OSBPL6: variants seen among roughly 807,000 people sequenced by gnomAD.
OSBPL6 encodes the protein oxysterol binding protein like 6.
In OSBPL6, 49 loss-of-function variants were observed where a neutral mutation model predicts 125.8. The observed-to-expected ratio is 0.39, with a 90% CI of 0.31 to 0.49. The LOEUF (loss-of-function observed/expected upper bound fraction) is 0.49, where lower values mean the gene tolerates loss of function less well. OSBPL6 is among the 20% of genes least tolerant of loss of function. The pLI, the probability that OSBPL6 is intolerant of heterozygous loss-of-function variation, is 0.88. For missense variants in OSBPL6, 986 were observed against 1,135.4 expected (o/e 0.87, Z 1.89); for synonymous variants, 394 against 391.8 (o/e 1.01, Z -0.07).
rs181601158 is a variant in OSBPL6, at chr2:178,343,016, A to G, written c.987+3252A>G. On this transcript the variant is annotated intron_variant, in intron 11 of 24. Coordinates refer to ENST00000190611, the MANE Select transcript of OSBPL6 (RefSeq NM_032523.4). ...AAACAGATTATGTGTGTATGTATGT[A>G]TGACAAACATATACATATATGTATG... is the stretch of plus-strand genomic sequence containing the variant. Among the ~76,000 whole-genome samples the G allele has an allele frequency of 2.3e-3, 350 of 152,304 alleles. 1 individual carries two copies. Among genetic ancestry groups the G allele is most frequent in the Middle Eastern group, 0.01 (3 of 294 alleles).
chr2:178,204,207 G>C (rs568854943), intron 1 of OSBPL6, among the ~76,000 whole-genome samples: 1 of 151,880 alleles, frequency 6.6e-6, no homozygotes, highest in African/African-American at 2.4e-5. Context: ...CATTTTAGTA[G>C]AGAGGGTGGT....
chr2:178,255,464 C>T (rs1037758102), intron 1 of OSBPL6, among the ~76,000 whole-genome samples: 2 of 152,234 alleles, frequency 1.3e-5, no homozygotes, highest in Non-Finnish European at 2.9e-5. Context: ...GCCACTGGGT[C>T]TCTCCCATGA....
chr2:178,380,427 A>G (rs1388363101), intron 15 of OSBPL6, among the ~76,000 whole-genome samples: 1 of 134,756 alleles, frequency 7.4e-6, no homozygotes, highest in Non-Finnish European at 1.5e-5. Context: ...ACTGCACTTC[A>G]GCCTGGGCAG....
At chr2:178,344,406 C>G in intron 11 of OSBPL6, 1 of 1,583,246 alleles carries the variant, frequency 6.3e-7, no homozygotes, top group Non-Finnish European at 8.7e-7. Context: ...AGAATGAGAA[C>G]CTGTGTACAA....
chr2:178,395,005 TG>T (rs2154121061), intron 24 of OSBPL6, among the ~76,000 whole-genome samples: 1 of 152,304 alleles, frequency 6.6e-6, no homozygotes, highest in African/African-American at 2.4e-5. Context: ...ATTACTGCCC[TG>T]GGGTAGAAAT....
chr2:178,196,242 A>G (rs762494464), intron 1 of OSBPL6, among the ~76,000 whole-genome samples: 1 of 152,228 alleles, frequency 6.6e-6, no homozygotes, highest in Non-Finnish European at 1.5e-5. Context: ...TCATTGGGAA[A>G]GGCCCTGATT....
At chr2:178,312,536 A>G (rs1574838767) in intron 3 of OSBPL6, among the ~76,000 whole-genome samples, 1 of 150,636 alleles carries the variant, frequency 6.6e-6, no homozygotes, top group South Asian at 2.1e-4. Context: ...GCTCTTTGCA[A>G]CCTCCGCCTC....
chr2:178,339,826 A>G, intron 11 of OSBPL6, 62 bp downstream of exon 11: 1 of 1,271,052 alleles, frequency 7.9e-7, no homozygotes, highest in Admixed American at 2.6e-5. Context: ...TAGTCTTTAT[A>G]CATCAGTTTA....
intron 1 of OSBPL6, among the ~76,000 whole-genome samples, chr2:178,213,416 C>A (rs986712424): frequency 2.0e-5 from 3 of 152,026 alleles, no homozygotes; most frequent in Non-Finnish European, 4.4e-5. Context: ...CCCACCCTGC[C>A]CTGGCTCTTC....
intron 3 of OSBPL6, among the ~76,000 whole-genome samples, chr2:178,313,077 G>T (rs572587668): frequency 1.3e-5 from 2 of 152,106 alleles, no homozygotes; most frequent in East Asian, 1.9e-4. Flanking sequence ...TGTATTTTTA[G>T]TGGAGACAGG....
At chr2:178,357,913 G>T (rs1333156378) in intron 12 of OSBPL6, among the ~76,000 whole-genome samples, 2 of 152,170 alleles carry the variant, frequency 1.3e-5, no homozygotes, top group Non-Finnish European at 2.9e-5. Flanking sequence ...CATAAAAAAG[G>T]ATAAGTTAAT....
At chr2:178,249,525 A>G (rs890541490) in intron 1 of OSBPL6, among the ~76,000 whole-genome samples, 8 of 152,208 alleles carry the variant, frequency 5.3e-5, no homozygotes, top group African/African-American at 1.9e-4. Context: ...ATTGACTCTT[A>G]AGGATTGATT....
At chr2:178,265,269 TGGTA>T (rs2092197601) in intron 1 of OSBPL6, among the ~76,000 whole-genome samples, 1 of 134,832 alleles carries the variant, frequency 7.4e-6, no homozygotes, top group Non-Finnish European at 1.5e-5. Flanking sequence ...TGGAGTACAG[TGGTA>T]CACTCATGGC....
At chr2:178,324,581 G>T (rs769306020) in intron 4 of OSBPL6, among the ~76,000 whole-genome samples, 6 of 151,906 alleles carry the variant, frequency 3.9e-5, no homozygotes, top group Non-Finnish European at 5.9e-5. Flanking sequence ...CCCAGCTAAT[G>T]GAAAAGAAAA....
At chr2:178,291,337 C>T (rs1244928716) in intron 2 of OSBPL6, among the ~76,000 whole-genome samples, 2 of 152,096 alleles carry the variant, frequency 1.3e-5, no homozygotes, top group African/African-American at 2.4e-5. Flanking sequence ...GATGATTGTA[C>T]ATTTTGGATG....
At chr2:178,239,751 G>A (rs370254162) in intron 1 of OSBPL6, among the ~76,000 whole-genome samples, 4 of 151,254 alleles carry the variant, frequency 2.6e-5, no homozygotes, top group African/African-American at 4.9e-5. Context: ...TCAGCCTCCC[G>A]AGTAGCTGGG....
intron 1 of OSBPL6, among the ~76,000 whole-genome samples, chr2:178,250,550 C>T (rs906195466): frequency 1.3e-5 from 2 of 152,188 alleles, no homozygotes; most frequent in African/African-American, 2.4e-5. Context: ...ACAAAGGCGG[C>T]TGCTTGCCTT....
chr2:178,218,408 T>C (rs201391819), intron 1 of OSBPL6, among the ~76,000 whole-genome samples: 1 of 143,030 alleles, frequency 7.0e-6, no homozygotes, highest in Non-Finnish European at 1.5e-5. Context: ...AAAAAAAAAT[T>C]AAAAAAAAAA....
intron 19 of OSBPL6, among the ~76,000 whole-genome samples, chr2:178,386,724 G>C (rs200763293): frequency 3.4e-4 from 49 of 144,772 alleles, no homozygotes; most frequent in African/African-American, 1.2e-3. Context: ...CACACACACA[G>C]ACACACACAC....
Sources: allele counts gnomAD v4.1 joint callset (sites outside exome capture counted in the v4.1 genomes callset), GRCh38; gene constraint gnomAD v4.1.1; transcripts MANE v1.5; gene names NCBI Gene and HGNC (gene_info 2026-07-23, HGNC 2026-07-21).